Variants in ANKRD11 observed in about 807,000 individuals in gnomAD.
The protein encoded by ANKRD11 is ankyrin repeat domain-containing protein 11.
A neutral mutation model predicts 195.7 loss-of-function variants in ANKRD11; 17 were observed. That is an observed-to-expected ratio of 0.09 (90% CI 0.06 to 0.13). The LOEUF (loss-of-function observed/expected upper bound fraction) is 0.13, where lower values mean the gene tolerates loss of function less well. Among genes scored for constraint, ANKRD11 ranks in the 10% least tolerant of loss-of-function variants. The probability of loss-of-function intolerance (pLI) is 1.00; values close to 1 mark genes in which losing one functional copy is unlikely to be tolerated. For synonymous variants in ANKRD11, 1,953 were observed against 1,528.1 expected (o/e 1.28, Z -6.49); for missense variants, 3,735 against 3,566.1 (o/e 1.05, Z -1.21).
chr16:89,313,316 C>A (rs2036723415), intron 3 of ANKRD11: 1 of 1,287,102 alleles, frequency 7.8e-7, no homozygotes, highest in South Asian at 1.2e-5. Context: ...GCCCTGCACA[C>A]CTTTGGATCA....
At chr16:89,479,579 G>A (rs940856580) in intron 1 of ANKRD11, among the ~76,000 whole-genome samples, 1 of 150,868 alleles carries the variant, frequency 6.6e-6, no homozygotes, top group African/African-American at 2.4e-5. Context: ...AGGTTGCAGT[G>A]AGCTGAGATC....
chr16:89,439,512 T>C (rs1373843138), intron 1 of ANKRD11, among the ~76,000 whole-genome samples: 1 of 152,194 alleles, frequency 6.6e-6, no homozygotes, highest in African/African-American at 2.4e-5. Flanking sequence ...AAGTTCTCCA[T>C]GTAAAACAGT....
intron 2 of ANKRD11, among the ~76,000 whole-genome samples, chr16:89,330,674 G>C (rs868167776): frequency 3.3e-5 from 1 of 30,290 alleles, no homozygotes; most frequent in Non-Finnish European, 8.3e-5. Context: ...GGGGGGGGGG[G>C]GCGGGGGCGG....
chr16:89,271,257 G>GAGAC, intron 11 of ANKRD11: 4 of 352,452 alleles, frequency 1.1e-5, no homozygotes, highest in South Asian at 9.2e-5. Context: ...TTTTTTTTAA[G>GAGAC]AGACAGAGTT....
intron 2 of ANKRD11, among the ~76,000 whole-genome samples, chr16:89,409,861 T>C (rs2042046914): frequency 6.6e-6 from 1 of 152,148 alleles, no homozygotes; most frequent in African/African-American, 2.4e-5. Flanking sequence ...TTTTTTGAGA[T>C]GGGAGTCTCG....
chr16:89,312,632 C>T (rs552301255), intron 3 of ANKRD11, among the ~76,000 whole-genome samples: 7 of 56,182 alleles, frequency 1.2e-4, no homozygotes, highest in South Asian at 5.5e-4. Flanking sequence ...ACCCTCTCCA[C>T]GAGCCCATGT....
At chr16:89,306,298 TACCTCCCCCTCCGCAGACACGTGCC>T (rs2036234672) in intron 3 of ANKRD11, among the ~76,000 whole-genome samples, 2 of 65,192 alleles carry the variant, frequency 3.1e-5, no homozygotes, top group African/African-American at 6.9e-5. Context: ...ACACGCCACC[TACCTCCCCCTCCGCAGACACGTGCC>T]ACCTCCCACT....
At position 89,445,515 on chromosome 16, in the gene ANKRD11, C is replaced by T. The variant is rs965677314; in HGVS notation, c.-144-27147G>A. ...CCCCAGCCCCAAGGAGCCACAGAGG[C>T]TGAGGATGATCCGTCCTCCAAATGC... On this transcript the variant is annotated intron_variant, in intron 1 of 12. Coordinates refer to ENST00000301030, the MANE Select transcript of ANKRD11 (RefSeq NM_013275.6). Among the ~76,000 whole-genome samples the T allele has an allele frequency of 3.3e-5, 5 of 152,154 alleles. No homozygotes were observed. In the East Asian group the frequency reaches 7.7e-4, roughly 23 times the overall value.
At chr16:89,432,698 C>A (rs1250498859) in intron 1 of ANKRD11, among the ~76,000 whole-genome samples, 1 of 151,964 alleles carries the variant, frequency 6.6e-6, no homozygotes, top group Non-Finnish European at 1.5e-5. Context: ...ACACACTCAC[C>A]CCCATTCATA....
intron 2 of ANKRD11, among the ~76,000 whole-genome samples, chr16:89,406,483 G>A (rs551157697): frequency 2.0e-5 from 3 of 152,332 alleles, no homozygotes; most frequent in East Asian, 1.9e-4. Context: ...ACCGTGCACC[G>A]TGACAAGACA....
intron 1 of ANKRD11, among the ~76,000 whole-genome samples, chr16:89,457,341 G>GT (rs2056484974): frequency 6.6e-6 from 1 of 151,362 alleles, no homozygotes; most frequent in South Asian, 2.1e-4. Flanking sequence ...GCTCACGCCT[G>GT]TAATCTCAGC....
At chr16:89,460,969 ACCC>A (rs34732329) in intron 1 of ANKRD11, among the ~76,000 whole-genome samples, 59 of 58,988 alleles carry the variant, frequency 1.0e-3, no homozygotes, top group African/African-American at 3.6e-3. Context: ...ATATCGTATG[ACCC>A]CCCCCCCCAA....
chr16:89,445,992 ATT>A (rs35107516), intron 1 of ANKRD11, among the ~76,000 whole-genome samples: 28 of 146,876 alleles, frequency 1.9e-4, no homozygotes, highest in Middle Eastern at 3.6e-3. Flanking sequence ...AAAAAAAAAA[ATT>A]TTTTGTTAAA....
chr16:89,293,464 A>G lies in ANKRD11; in HGVS notation c.227-2281T>C, dbSNP rs796419312. Among the ~76,000 whole-genome samples the G allele has an allele frequency of 7.0e-3, 883 of 126,278 alleles. 14 individuals carry two copies. The highest frequency in any genetic ancestry group is 0.026 in the African/African-American group (855 of 33,222). 82.8% of individuals were successfully genotyped at this position (126,278 alleles called of 152,430 possible). On this transcript the variant is annotated intron_variant, in intron 4 of 12. Coordinates refer to ENST00000301030, the MANE Select transcript of ANKRD11 (RefSeq NM_013275.6). ...GGGTTGCGGAGGGAGGAGCTGGGGC[A>G]GAGTTGTGGCTGCGGAGGGAGGAGC...
chr16:89,384,718 C>T (rs766791746), intron 2 of ANKRD11, among the ~76,000 whole-genome samples: 17 of 152,056 alleles, frequency 1.1e-4, no homozygotes, highest in Admixed American at 2.0e-4. Flanking sequence ...CCTTTTACCT[C>T]AATCAGGTGG....
At chr16:89,451,397 G>A (rs1044753760) in intron 1 of ANKRD11, among the ~76,000 whole-genome samples, 3 of 146,576 alleles carry the variant, frequency 2.0e-5, no homozygotes, top group Admixed American at 7.0e-5. Flanking sequence ...TTATGGTGAT[G>A]ATTTCACAAA....
At chr16:89,313,764 A>G (rs939007808) in intron 3 of ANKRD11, among the ~76,000 whole-genome samples, 8 of 152,288 alleles carry the variant, frequency 5.3e-5, no homozygotes, top group African/African-American at 1.9e-4. Context: ...AGCCTCTTCT[A>G]ACAGCAGCTG....
At chr16:89,420,770 G>A (rs2042479202) in intron 1 of ANKRD11, among the ~76,000 whole-genome samples, 1 of 152,166 alleles carries the variant, frequency 6.6e-6, no homozygotes, top group Non-Finnish European at 1.5e-5. Flanking sequence ...GGCTGGGAAT[G>A]GAGTGGTGCA....
chr16:89,349,639 T>C (rs963896302), intron 2 of ANKRD11, among the ~76,000 whole-genome samples: 1 of 152,164 alleles, frequency 6.6e-6, no homozygotes, highest in African/African-American at 2.4e-5. Context: ...CCTTATGCCA[T>C]ACACAAAAAT....
Sources: allele counts gnomAD v4.1 joint callset (sites outside exome capture counted in the v4.1 genomes callset), GRCh38; gene constraint gnomAD v4.1.1; transcripts MANE v1.5; gene names NCBI Gene and HGNC (gene_info 2026-07-23, HGNC 2026-07-21).